The following TEPSIN variants were observed in gnomAD, a reference collection of about 807,000 sequenced individuals.
TEPSIN encodes the protein AP-4 complex accessory subunit tepsin.
A neutral mutation model predicts 48.5 loss-of-function variants in TEPSIN; 50 were observed. The observed-to-expected ratio is 1.03, with a 90% confidence interval of 0.82 to 1.31. The LOEUF is 1.31. TEPSIN is among the 50% of genes most tolerant of loss of function. TEPSIN has a pLI of 0.00. For synonymous variants in TEPSIN, 392 were observed against 358.8 expected (o/e 1.09, Z -1.05); for missense variants, 838 against 815.9 (o/e 1.03, Z -0.33).
rs1271119090 is a variant in TEPSIN, at chr17:81,234,144, G to A, written c.308-96C>T. 8.7e-7 allele frequency: 1 copy of A among 1,146,538 alleles called. No individual in the cohort carries two copies. Among genetic ancestry groups the A allele is most frequent in the African/African-American group, 1.6e-5 (1 of 62,380 alleles). 71.0% of individuals were successfully genotyped at this position (1,146,538 alleles called of 1,614,324 possible). A position where few individuals can be genotyped will look rare whatever the true frequency, so the allele number is the denominator to read the frequency against. ...CCCTGGGCCCACTCCAGGGTGGCAAGTTCCTGCCACCAAGGCCCTTCTGTC... is the reference window on the plus strand; with the variant it reads ...CCCTGGGCCCACTCCAGGGTGGCAAATTCCTGCCACCAAGGCCCTTCTGTC... On this transcript the variant is annotated intron_variant, in intron 4 of 12. Coordinates refer to ENST00000637944, the MANE Select transcript of TEPSIN (RefSeq NM_001363764.2). This position sits in a 1 kb window ranked among gnomAD's most constrained non-coding sequence, Gnocchi z 5.4.
chr17:81,238,664 C>T, intron 1 of TEPSIN: 1 of 1,180,962 alleles, frequency 8.5e-7, no homozygotes, highest in Non-Finnish European at 1.0e-6. Context: ...GACACAGCGG[C>T]TCCACGTCCA....
chr17:81,231,237 CCACACGCACA>C, intron 11 of TEPSIN, 151 bp downstream of exon 11: 1 of 714,598 alleles, frequency 1.4e-6, no homozygotes, highest in Non-Finnish European at 2.3e-6. Context: ...GCATACACAC[CCACACGCACA>C]CACACAGGCA....
chr17:81,232,139 G>A (rs765557310), intron 8 of TEPSIN, 118 bp from the exon 9 acceptor site: 2 of 1,364,388 alleles, frequency 1.5e-6, no homozygotes, highest in Non-Finnish European at 2.0e-6. Flanking sequence ...AGGATGGGTG[G>A]CCACCTTGGC....
intron 4 of TEPSIN, among the ~76,000 whole-genome samples, chr17:81,236,159 C>G (rs2062716427): frequency 6.6e-6 from 1 of 152,238 alleles, no homozygotes; most frequent in Non-Finnish European, 1.5e-5. Context: ...GCCCCCAAGC[C>G]TGCGGGGACA....
Position 81,237,414 on chromosome 17 carries a change from G to A in TEPSIN, c.94C>T (p.Pro32Ser). Residue 32 changes from proline to serine, a missense_variant, in exon 2 of 13, where the codon CCG becomes TCG. By Grantham distance (74) the Pro-to-Ser change is moderately conservative. Transcript: ENST00000637944. ...GCAATCTCTTCAAACAGGTAGCCCG[G>A]ACACGGGACATCATCATCGGACGTC... ...KGTSDDDVPCPGYLFEEIAKI... is the reference protein window; with the variant it reads ...KGTSDDDVPCSGYLFEEIAKI... The A allele has an allele frequency of 6.2e-7, 1 of 1,612,052 alleles. No individual in the cohort carries two copies.
At chr17:81,238,001 C>A in intron 1 of TEPSIN, 17 of 997,278 alleles carry the variant, frequency 1.7e-5, no homozygotes, top group Non-Finnish European at 2.0e-5. Flanking sequence ...TGCTTACTTA[C>A]TGGCACAAAG....
At position 81,231,494 on chromosome 17, in the gene TEPSIN, C is replaced by T; in HGVS notation, c.1020-18G>A. On this transcript the variant is annotated intron_variant, in intron 10 of 12. Transcript: ENST00000637944. ...GTCCACACCTGCACAGAGGGGACAC[C>T]TGGGTGGCGGGTGCGGCCCGTTCCC... 6.4e-7 allele frequency: 1 copy of T among 1,568,446 alleles called. No individual in the cohort carries two copies.
chr17:81,231,323 A>ACACACG (rs922882447), intron 11 of TEPSIN, 75 bp downstream of exon 11: 2 of 1,382,570 alleles, frequency 1.4e-6, no homozygotes, highest in East Asian at 2.5e-5. Flanking sequence ...ACACGTGCAC[A>ACACACG]CACACGCACA....
At position 81,230,840 on chromosome 17, in the gene TEPSIN, C is replaced by T. The variant is rs116428939; in HGVS notation, c.1099-162G>A. The T allele has an allele frequency of 6.7e-6, 6 of 899,038 alleles. No individual in the cohort carries two copies. Among genetic ancestry groups the T allele is most frequent in the East Asian group, 3.0e-5 (1 of 33,860 alleles). The allele number at this position is 899,038 out of a possible 1,614,324, so 55.7% of individuals were successfully genotyped here. A position where few individuals can be genotyped will look rare whatever the true frequency, so the allele number is the denominator to read the frequency against. ...CCACAGCCCTGTCCTCACCGCCTTA[C>T]ACCCCGGATCCCAGACACCACAGCC... On this transcript the variant is annotated intron_variant, in intron 11 of 12. Transcript: ENST00000637944. This position sits in a 1 kb window ranked among gnomAD's most constrained non-coding sequence, Gnocchi z 4.2.
intron 1 of TEPSIN, 164 bp downstream of exon 1, chr17:81,238,822 C>CGGCG: frequency 7.5e-7 from 1 of 1,332,594 alleles, no homozygotes; most frequent in Non-Finnish European, 9.6e-7. Flanking sequence ...CGGGACGGCG[C>CGGCG]GGCGGGCGGG....
At chr17:81,229,622 G>A in intron 12 of TEPSIN, 146 bp from the exon 13 acceptor site, 3 of 853,074 alleles carry the variant, frequency 3.5e-6, no homozygotes, top group Non-Finnish European at 5.5e-6. Context: ...GCTGGGAGGG[G>A]CTGGGGCAGT....
At position 81,237,987 on chromosome 17, in the gene TEPSIN, T is replaced by A. The variant is rs946576992; in HGVS notation, c.49-528A>T. On this transcript the variant is annotated intron_variant, in intron 1 of 12. Coordinates refer to ENST00000637944, the MANE Select transcript of TEPSIN (RefSeq NM_001363764.2). ...GCTTAGCGCAGACGTACTTATTTGTTTCATGCTTACTTACTGGCACAAAGA... is the reference window on the plus strand; with the variant it reads ...GCTTAGCGCAGACGTACTTATTTGTATCATGCTTACTTACTGGCACAAAGA... 1.3e-5 allele frequency: 13 copies of A among 997,852 alleles called. No homozygotes were observed. In the African/African-American group the frequency reaches 2.1e-4, roughly 16 times the overall value. The allele number at this position is 997,852 out of a possible 1,614,324, so 61.8% of individuals were successfully genotyped here. A position where few individuals can be genotyped will look rare whatever the true frequency, so the allele number is the denominator to read the frequency against.
In TEPSIN at chr17:81,228,783, A is replaced by C; in HGVS notation, c.*145T>G. The C allele has an allele frequency of 1.0e-6, 1 of 954,200 alleles. No individual in the cohort carries two copies. Among genetic ancestry groups the C allele is most frequent in the Non-Finnish European group, 1.6e-6 (1 of 639,480 alleles). The allele number at this position is 954,200 out of a possible 1,614,324, so 59.1% of individuals were successfully genotyped here. A position where few individuals can be genotyped will look rare whatever the true frequency, so the allele number is the denominator to read the frequency against. On this transcript the variant is annotated 3_prime_UTR_variant, in exon 13 of 13. Transcript: ENST00000637944. ...ATAGCCAGAGCCTCTGGCAGAGGAG[A>C]TGGGGGAAACTGAGGTAGCCCTAGG...
rs1401926549 is a variant in TEPSIN at position 81,228,997 on chromosome 17, CGAT to C, written c.1710_1712del (p.Ser572del). 1.2e-6 allele frequency: 2 copies of C among 1,613,500 alleles called. No homozygotes were observed. The highest frequency in any genetic ancestry group is 1.7e-6 in the Non-Finnish European group (2 of 1,179,988). On this transcript the variant is annotated inframe_deletion, in exon 13 of 13. Transcript: ENST00000637944. ...GCTCTTTGGCTGCTGTCCTCTGGGA[CGAT>C]GTTTGGGGGGCGCGGGGAGCATCAG...
At chr17:81,235,044 C>A (rs759964573) in intron 4 of TEPSIN, among the ~76,000 whole-genome samples, 1 of 152,170 alleles carries the variant, frequency 6.6e-6, no homozygotes, top group African/African-American at 2.4e-5. Context: ...CTTCTCCAGC[C>A]GGGAAGATGC....
intron 11 of TEPSIN, chr17:81,231,126 T>C (rs1049862945): frequency 1.8e-5 from 10 of 557,042 alleles, no homozygotes; most frequent in South Asian, 4.5e-5. Context: ...CATGCAGTCA[T>C]GTACACACAC....
intron 11 of TEPSIN, 198 bp downstream of exon 11, chr17:81,231,200 T>C (rs1049749172): frequency 3.3e-6 from 2 of 609,954 alleles, no homozygotes; most frequent in African/African-American, 3.7e-5. Context: ...TGCACGAGTG[T>C]GTACACACAC....
rs371927222 is a variant in TEPSIN at position 81,236,941 on chromosome 17, C to T, written c.213+39G>A. 3.4e-5 allele frequency: 53 copies of T among 1,543,840 alleles called. No homozygotes were observed. In the African/African-American group the frequency reaches 5.9e-4, roughly 17 times the overall value. The stretch of plus-strand genomic sequence containing the variant: ...CTCCTCCATCCTCACCACCGTGGGC[C>T]GGGCCTCAGGCCTGACCCTTGACCA... On this transcript the variant is annotated intron_variant, in intron 3 of 12. Transcript: ENST00000637944.
Position 81,233,273 on chromosome 17 carries a change from G to C in TEPSIN, c.526+159C>G. On this transcript the variant is annotated intron_variant, in intron 7 of 12. Coordinates refer to ENST00000637944, the MANE Select transcript of TEPSIN (RefSeq NM_001363764.2). This position sits in a 1 kb window ranked among gnomAD's most constrained non-coding sequence, Gnocchi z 5.8. ...TGCCCCACCCCCACGTCAGCAGCCA[G>C]AGAGAGACAGTGGGGACAGCCCCAG... 1 of 845,808 alleles carries C rather than the reference G, an allele frequency of 1.2e-6. No homozygotes were observed. Among genetic ancestry groups the C allele is most frequent in the South Asian group, 1.8e-5 (1 of 56,646 alleles). The allele number at this position is 845,808 out of a possible 1,614,324, so 52.4% of individuals were successfully genotyped here. A position where few individuals can be genotyped will look rare whatever the true frequency, so the allele number is the denominator to read the frequency against.
Sources: gnomAD v4.1 joint callset for allele counts (sites outside exome capture counted in the v4.1 genomes callset) on GRCh38, gnomAD v4.1.1 for gene constraint, Gnocchi (gnomAD v3.1) non-coding constraint, MANE v1.5 for transcripts, NCBI Gene and HGNC (gene_info 2026-07-23, HGNC 2026-07-21) for gene names.